Variants in GGPS1 observed in about 807,000 individuals in gnomAD.
GGPS1 encodes geranylgeranyl pyrophosphate synthase.
In GGPS1, 15 loss-of-function variants were observed where a neutral mutation model predicts 28.1. The observed-to-expected ratio is 0.53, with a 90% CI of 0.36 to 0.82. The LOEUF (loss-of-function observed/expected upper bound fraction) is 0.82. Ranked by LOEUF, GGPS1 falls within the 40% of genes least tolerant of loss-of-function variation. The probability of loss-of-function intolerance (pLI) is 0.01; values close to 1 mark genes in which losing one functional copy is unlikely to be tolerated. For synonymous variants in GGPS1, 138 were observed against 122.4 expected, an observed-to-expected ratio of 1.13 and a Z score of -0.84; for missense variants, 284 against 348.3, an observed-to-expected ratio of 0.82 and a Z score of 1.47.
rs575531650 is a variant in GGPS1, at chr1:235,341,828, G to A, written c.141+50G>A. ...AATCCCCAAGAAATTAATAGCTGTC[G>A]CATAAAAATATTCCTAGTTCTTGAT... On this transcript the variant is annotated intron_variant, in intron 3 of 3. Transcript: ENST00000282841. 4.9e-5 allele frequency: 53 copies of A among 1,088,300 alleles called. 1 individual carries two copies. Among genetic ancestry groups the A allele is most frequent in the South Asian group, 4.4e-4 (33 of 75,596 alleles). The allele number at this position is 1,088,300 out of a possible 1,614,324, so 67.4% of individuals were successfully genotyped here.
chr1:235,341,773 C>T lies in GGPS1; in HGVS notation c.136C>T (p.Leu46=). 6.3e-7 allele frequency: 1 copy of T among 1,577,996 alleles called. No individual in the cohort carries two copies. The highest frequency in any genetic ancestry group is 8.7e-7 in the Non-Finnish European group (1 of 1,147,212). Residue 46 remains leucine, a synonymous_variant, in exon 3 of 4, where the codon CTA becomes TTA. Coordinates refer to ENST00000282841, the MANE Select transcript of GGPS1 (RefSeq NM_004837.4). ...TTGGCTGAAAGTTCCAGAGGACAAG[C>T]TACAGGTATTAGGCAACTCTAACCT... ...NHWLKVPEDK[L]QIIIEVTEML...
intron 2 of GGPS1, among the ~76,000 whole-genome samples, chr1:235,339,174 CTG>C (rs754506137): frequency 1.2e-4 from 19 of 152,086 alleles, no homozygotes; most frequent in Non-Finnish European, 1.5e-4. Context: ...TGGCGCACGA[CTG>C]TAATCCCAGC....
In GGPS1 at chr1:235,342,418, T is replaced by C. The variant is rs1201531439; in HGVS notation, c.549T>C (p.Phe183=). 2 of 1,613,904 alleles carry C rather than the reference T, an allele frequency of 1.2e-6. No individual in the cohort carries two copies. Among genetic ancestry groups the C allele is most frequent in the South Asian group, 1.1e-5 (1 of 91,056 alleles). The change falls in exon 4 of 4, where the codon TTT becomes TTC. Residue 183 remains phenylalanine (F), a synonymous_variant. Coordinates refer to ENST00000282841, the MANE Select transcript of GGPS1 (RefSeq NM_004837.4). ...LKPLLNTLGL[F]FQIRDDYANL... ...CGCTACTTAATACACTTGGGCTCTTTTTCCAAATTAGGGATGATTATGCTA... is the reference window on the plus strand; with the variant it reads ...CGCTACTTAATACACTTGGGCTCTTCTTCCAAATTAGGGATGATTATGCTA...
Position 235,342,984 on chromosome 1 carries a change from T to G in GGPS1, c.*212T>G, listed in dbSNP as rs962236165. On this transcript the variant is annotated 3_prime_UTR_variant, in exon 4 of 4. Coordinates refer to ENST00000282841, the MANE Select transcript of GGPS1 (RefSeq NM_004837.4). ...AAAGAATCAAAAGCAGCCACAGTTA[T>G]GTAGGTCTGATTTGAATGTCATAAT... 61 of 411,294 alleles carry G rather than the reference T, an allele frequency of 1.5e-4. No individual in the cohort carries two copies. The East Asian group carries it at 2.4e-3, about 16-fold the overall frequency. The allele number at this position is 411,294 out of a possible 1,614,324, so 25.5% of individuals were successfully genotyped here.
intron 2 of GGPS1, among the ~76,000 whole-genome samples, chr1:235,338,985 GA>G (rs1675946631): frequency 6.6e-6 from 1 of 152,064 alleles, no homozygotes; most frequent in Non-Finnish European, 1.5e-5. Flanking sequence ...CCAACATGGG[GA>G]AACCCTGTCT....
rs559834525 is a variant in GGPS1, at chr1:235,340,684, C to G, written c.71-1024C>G. Among the ~76,000 whole-genome samples the G allele has an allele frequency of 2.5e-5, 3 of 121,834 alleles. No homozygotes were observed. The Middle Eastern group carries it at 0.018, about 734-fold the overall frequency. The allele number at this position is 121,834 out of a possible 152,430, so 79.9% of individuals were successfully genotyped here. On this transcript the variant is annotated intron_variant, in intron 2 of 3. Coordinates refer to ENST00000282841, the MANE Select transcript of GGPS1 (RefSeq NM_004837.4). ...CCGGGAGGCGGAGCTTGCAGTGAGC[C>G]GAGATCGCGCCACTGCACTCCAGCC...
chr1:235,327,464 G>T (rs1483612048), upstream of GGPS1: 1 of 152,196 alleles, frequency 6.6e-6, no homozygotes, highest in Non-Finnish European at 1.5e-5. Flanking sequence ...ACAAGTGGGA[G>T]CGAGATCAAC....
rs769112774 is a variant in GGPS1 at position 235,342,680 on chromosome 1, G to A, written c.811G>A (p.Ala271Thr). ...TACCCTTAAAGAGCTTGAAGCTAAA[G>A]CCTATAAACAGATTGATGCACGTGG... The part of the protein sequence containing the change: ...RNTLKELEAK[A>T]YKQIDARGGN... Residue 271 changes from alanine to threonine, a missense_variant, in exon 4 of 4, where the codon GCC becomes ACC. Ala to Thr is a moderately conservative substitution (Grantham distance 58, BLOSUM62 0). Transcript: ENST00000282841. 13 of 1,609,908 alleles carry A rather than the reference G, an allele frequency of 8.1e-6. No individual in the cohort carries two copies. The highest frequency in any genetic ancestry group is 1.3e-5 in the African/African-American group (1 of 74,862).
Position 235,328,719 on chromosome 1 carries a change from A to T in GGPS1, c.-83A>T, listed in dbSNP as rs893814910. On this transcript the variant is annotated 5_prime_UTR_variant, in exon 1 of 4. It removes an upstream start codon present in the reference 5' UTR. Transcript: ENST00000282841. ...GTCCACATTATAAAATAGGAAGTTG[A>T]TGCGGGGTACAGTTACTCCCGGACC... is the stretch of plus-strand genomic sequence containing the variant. The T allele has an allele frequency of 6.6e-6, 1 of 152,358 alleles. No individual in the cohort carries two copies. The highest frequency in any genetic ancestry group is 2.4e-5 in the African/African-American group (1 of 41,280). 9.4% of individuals were successfully genotyped at this position (152,358 alleles called of 1,614,324 possible).
chr1:235,332,102 G>A (rs569239439), intron 1 of GGPS1, among the ~76,000 whole-genome samples: 20 of 152,184 alleles, frequency 1.3e-4, no homozygotes, highest in African/African-American at 2.4e-4. Flanking sequence ...TTTATGGGGT[G>A]CAAGTGTAGT....
In GGPS1 at chr1:235,342,844, C is replaced by T; in HGVS notation, c.*72C>T. 1 of 1,076,876 alleles carries T rather than the reference C, an allele frequency of 9.3e-7. No individual in the cohort carries two copies. The highest frequency in any genetic ancestry group is 1.3e-6 in the Non-Finnish European group (1 of 746,254). The allele number at this position is 1,076,876 out of a possible 1,614,324, so 66.7% of individuals were successfully genotyped here. A position where few individuals can be genotyped will look rare whatever the true frequency, so the allele number is the denominator to read the frequency against. On this transcript the variant is annotated 3_prime_UTR_variant, in exon 4 of 4. Coordinates refer to ENST00000282841, the MANE Select transcript of GGPS1 (RefSeq NM_004837.4). ...TTTTTTTTGTCTTTTAGCCTTACCA[C>T]CTTTTAAAAAATTTGTTATTCTCCA...
chr1:235,327,713 C>G (rs1399003411), upstream of GGPS1: 2 of 152,408 alleles, frequency 1.3e-5, no homozygotes, highest in Non-Finnish European at 2.9e-5. Flanking sequence ...CCGGGCCCAG[C>G]GACTCCCAAA....
In GGPS1 at chr1:235,341,792, C is replaced by G. The variant is rs545259806; in HGVS notation, c.141+14C>G. 12 of 1,450,612 alleles carry G rather than the reference C, an allele frequency of 8.3e-6. No individual in the cohort carries two copies. In the East Asian group the frequency reaches 2.7e-4, roughly 33 times the overall value. 89.9% of individuals were successfully genotyped at this position (1,450,612 alleles called of 1,614,324 possible). ...GACAAGCTACAGGTATTAGGCAACTCTAACCTCATTAATCCCCAAGAAATT... is the reference window on the plus strand; with the variant it reads ...GACAAGCTACAGGTATTAGGCAACTGTAACCTCATTAATCCCCAAGAAATT... On this transcript the variant is annotated intron_variant, in intron 3 of 3. Transcript: ENST00000282841.
At chr1:235,339,964 T>C (rs951392774) in intron 2 of GGPS1, among the ~76,000 whole-genome samples, 1 of 151,686 alleles carries the variant, frequency 6.6e-6, no homozygotes, top group Non-Finnish European at 1.5e-5. Context: ...GTAACTTCTA[T>C]CCAAAGACCT....
chr1:235,337,430 C>T (rs913322305), intron 2 of GGPS1, among the ~76,000 whole-genome samples: 21 of 152,142 alleles, frequency 1.4e-4, no homozygotes, highest in African/African-American at 4.1e-4. Flanking sequence ...TATTCAAGTA[C>T]GTTCTTGATC....
chr1:235,328,813 G>C (rs1443985135), intron 1 of GGPS1, 35 bp downstream of exon 1: 1 of 151,928 alleles, frequency 6.6e-6, no homozygotes, highest in African/African-American at 2.4e-5. Context: ...GGGGAACCCG[G>C]ATGGGAAGAA....
At chr1:235,332,621 G>A (rs1286516694) in intron 1 of GGPS1, among the ~76,000 whole-genome samples, 3 of 152,158 alleles carry the variant, frequency 2.0e-5, no homozygotes, top group Admixed American at 6.6e-5. Flanking sequence ...ATATGAATCA[G>A]TGTGTTTATT....
In GGPS1 at chr1:235,342,780, C is replaced by T; in HGVS notation, c.*8C>T. 6.5e-7 allele frequency: 1 copy of T among 1,541,902 alleles called. No homozygotes were observed. Among genetic ancestry groups the T allele is most frequent in the Non-Finnish European group, 8.8e-7 (1 of 1,139,792 alleles). Reference sequence around the variant, plus strand: ...AAAGAAGAAAATGAATAATGTTAAGCCATTCTTGATTGGACCTCATAGCTT... The same window carrying T: ...AAAGAAGAAAATGAATAATGTTAAGTCATTCTTGATTGGACCTCATAGCTT... On this transcript the variant is annotated 3_prime_UTR_variant, in exon 4 of 4. Transcript: ENST00000282841.
upstream of GGPS1, chr1:235,327,660 G>A (rs1331980975): frequency 2.6e-5 from 4 of 152,328 alleles, no homozygotes; most frequent in African/African-American, 9.7e-5. Context: ...CCCGAATTCG[G>A]GCGCCGCAGG....
Sources: allele counts gnomAD v4.1 joint callset (sites outside exome capture counted in the v4.1 genomes callset), GRCh38; gene constraint gnomAD v4.1.1; transcripts MANE v1.5; gene names NCBI Gene and HGNC (gene_info 2026-07-23, HGNC 2026-07-21).